RORA: variants seen among roughly 807,000 people sequenced by gnomAD.
RORA encodes the protein RAR related orphan receptor A.
Under a neutral mutation model 69.5 loss-of-function variants are expected in RORA, and 7 were observed. That is an observed-to-expected ratio of 0.10 (90% CI 0.06 to 0.19). RORA has a LOEUF of 0.19. Ranked by LOEUF, RORA falls within the 10% of genes least tolerant of loss-of-function variation. The pLI is 1.00. For synonymous variants in RORA, 261 were observed against 240.8 expected, an observed-to-expected ratio of 1.08 and a Z score of -0.78; for missense variants, 457 against 663.0, an observed-to-expected ratio of 0.69 and a Z score of 3.41.
At chr15:60,630,888 CT>C (rs542275787) in intron 2 of RORA, among the ~76,000 whole-genome samples, 67 of 109,890 alleles carry the variant, frequency 6.1e-4, no homozygotes, top group Admixed American at 1.3e-3. Context: ...ATGAGACTTT[CT>C]TTTTTTTTTT....
chr15:60,738,178 T>C (rs906304384), intron 1 of RORA, among the ~76,000 whole-genome samples: 4 of 152,220 alleles, frequency 2.6e-5, no homozygotes, highest in Admixed American at 2.0e-4. Context: ...CACTTTGTGC[T>C]TCAGCTATAG....
chr15:61,075,802 T>C (rs565882497), intron 1 of RORA, among the ~76,000 whole-genome samples: 1 of 152,308 alleles, frequency 6.6e-6, no homozygotes, highest in African/African-American at 2.4e-5. Flanking sequence ...ATTAGTGCCC[T>C]TCCCTGCTTC....
chr15:60,558,274 T>A, intron 2 of RORA: 1 of 1,612,622 alleles, frequency 6.2e-7, no homozygotes, highest in Non-Finnish European at 8.5e-7. Context: ...GATACACTGA[T>A]GGAGTATTTG....
intron 1 of RORA, chr15:60,848,469 G>A (rs533345343): frequency 9.8e-5 from 15 of 152,314 alleles, no homozygotes; most frequent in Non-Finnish European, 1.9e-4. Flanking sequence ...AGGAATGCAG[G>A]TGGCTTCCAG....
intron 1 of RORA, among the ~76,000 whole-genome samples, chr15:61,119,328 G>C (rs1490751249): frequency 6.6e-6 from 1 of 151,494 alleles, no homozygotes; most frequent in Non-Finnish European, 1.5e-5. Flanking sequence ...CTCCTGAGTA[G>C]CTGGGATCAC....
intron 1 of RORA, among the ~76,000 whole-genome samples, chr15:60,684,844 C>T (rs78865890): frequency 5.3e-5 from 8 of 152,124 alleles, no homozygotes; most frequent in Non-Finnish European, 1.2e-4. Flanking sequence ...AAGGCTTTCA[C>T]AAGATTTATT....
chr15:60,678,690 G>A lies in RORA; in HGVS notation c.167-4C>T. The A allele has an allele frequency of 1.2e-6, 2 of 1,611,472 alleles. No homozygotes were observed. The highest frequency in any genetic ancestry group is 1.7e-6 in the Non-Finnish European group (2 of 1,177,606). ...GTCTTCTTCGTTACTGAGATACCTGGAAGAGAAGAAACAATAACATAGGTT... is the reference window on the plus strand; with the variant it reads ...GTCTTCTTCGTTACTGAGATACCTGAAAGAGAAGAAACAATAACATAGGTT... On this transcript the variant is annotated splice_region_variant and splice_polypyrimidine_tract_variant and intron_variant, in intron 1 of 10. Transcript: ENST00000335670.
intron 1 of RORA, among the ~76,000 whole-genome samples, chr15:60,974,077 T>C (rs901344728): frequency 6.6e-6 from 1 of 152,098 alleles, no homozygotes; most frequent in African/African-American, 2.4e-5. Flanking sequence ...ATCCCGGGGG[T>C]AAATGAGCAG....
At chr15:61,181,752 G>A (rs1358618791) in intron 1 of RORA, among the ~76,000 whole-genome samples, 2 of 150,734 alleles carry the variant, frequency 1.3e-5, no homozygotes, top group East Asian at 3.9e-4. Context: ...CGGCCATATG[G>A]TAAGAATTAA....
chr15:60,613,192 A>G (rs968183498), intron 2 of RORA, among the ~76,000 whole-genome samples: 1 of 152,186 alleles, frequency 6.6e-6, no homozygotes, highest in African/African-American at 2.4e-5. Context: ...TATAACATGT[A>G]TCACTACAAC....
intron 1 of RORA, among the ~76,000 whole-genome samples, chr15:60,841,918 C>A (rs8042231): frequency 6.6e-6 from 1 of 152,184 alleles, no homozygotes; most frequent in Non-Finnish European, 1.5e-5. Context: ...CCCTTGGGGG[C>A]GTGGGACCTG....
At chr15:60,587,670 T>G (rs2068375504) in intron 2 of RORA, among the ~76,000 whole-genome samples, 2 of 152,210 alleles carry the variant, frequency 1.3e-5, no homozygotes, top group Non-Finnish European at 2.9e-5. Context: ...ATGAAATGCC[T>G]AGTAAACTTC....
chr15:60,695,584 G>A (rs963329456), intron 1 of RORA, among the ~76,000 whole-genome samples: 2 of 151,910 alleles, frequency 1.3e-5, no homozygotes, highest in East Asian at 1.9e-4. Flanking sequence ...CATAAAACCC[G>A]TGCCTCAGTT....
chr15:60,501,716 C>G (rs1410798247), intron 8 of RORA, among the ~76,000 whole-genome samples: 1 of 152,152 alleles, frequency 6.6e-6, no homozygotes, highest in Non-Finnish European at 1.5e-5. Flanking sequence ...ACTATTATAA[C>G]TATTTACCAA....
intron 1 of RORA, among the ~76,000 whole-genome samples, chr15:60,847,523 A>G (rs2073279228): frequency 6.6e-6 from 1 of 152,106 alleles, no homozygotes. Context: ...ACCTTTGAGT[A>G]GACTTTGCAC....
At chr15:61,095,539 T>C (rs1422714612) in intron 1 of RORA, among the ~76,000 whole-genome samples, 1 of 152,218 alleles carries the variant, frequency 6.6e-6, no homozygotes, top group Non-Finnish European at 1.5e-5. Context: ...ATCAACTCAG[T>C]CTGCGGGCTG....
intron 1 of RORA, among the ~76,000 whole-genome samples, chr15:60,685,500 G>C (rs1460842949): frequency 6.6e-6 from 1 of 152,170 alleles, no homozygotes; most frequent in Admixed American, 6.5e-5. Flanking sequence ...GTTGTCCCAG[G>C]AGACTGCTCC....
At chr15:61,006,720 C>G (rs952637235) in intron 1 of RORA, among the ~76,000 whole-genome samples, 1 of 152,120 alleles carries the variant, frequency 6.6e-6, no homozygotes, top group Admixed American at 6.5e-5. Context: ...AACTTACAAT[C>G]AAAGGGAAAT....
intron 2 of RORA, chr15:60,592,656 G>A (rs1262881617): frequency 8.1e-6 from 9 of 1,111,556 alleles, no homozygotes; most frequent in Non-Finnish European, 9.9e-6. Context: ...CGGGAGGCGG[G>A]AGGCAGGCGC....
Sources: allele counts gnomAD v4.1 joint callset (sites outside exome capture counted in the v4.1 genomes callset), GRCh38; gene constraint gnomAD v4.1.1; transcripts MANE v1.5; gene names NCBI Gene and HGNC (gene_info 2026-07-23, HGNC 2026-07-21).